The following SLC25A21 variants were observed in gnomAD, a reference collection of about 807,000 sequenced individuals.
SLC25A21 encodes the protein mitochondrial 2-oxodicarboxylate carrier.
A neutral mutation model predicts 43.8 loss-of-function variants in SLC25A21; 47 were observed. That is an observed-to-expected ratio of 1.07 (90% CI 0.85 to 1.37). SLC25A21 has a LOEUF of 1.37. SLC25A21 is among the 40% of genes most tolerant of loss of function. The pLI is 0.00. For missense variants in SLC25A21, 352 were observed against 350.2 expected (o/e 1.00, Z -0.04); for synonymous variants, 131 against 121.3 (o/e 1.08, Z -0.52).
intron 2 of SLC25A21, among the ~76,000 whole-genome samples, chr14:36,827,265 G>A (rs1225218248): frequency 2.0e-5 from 3 of 152,130 alleles, no homozygotes; most frequent in Non-Finnish European, 4.4e-5. Context: ...TCAGAATTCA[G>A]ACAGAATCAC....
In SLC25A21 at chr14:37,006,338, C is replaced by A. The variant is rs902365364; in HGVS notation, c.71-131334G>T. ...AATATTTGTAAATGTTAAATAAAAACTAGTTTCAGTATTTTAAGTATGAGT... is the reference window on the plus strand; with the variant it reads ...AATATTTGTAAATGTTAAATAAAAAATAGTTTCAGTATTTTAAGTATGAGT... On this transcript the variant is annotated intron_variant, in intron 1 of 9. Transcript: ENST00000331299. Among the ~76,000 whole-genome samples, 15 of 152,102 alleles carry A rather than the reference C, an allele frequency of 9.9e-5. No individual in the cohort carries two copies. The East Asian group carries it at 2.5e-3, about 25-fold the overall frequency.
intron 1 of SLC25A21, among the ~76,000 whole-genome samples, chr14:36,999,200 A>T (rs893237068): frequency 2.0e-5 from 3 of 152,204 alleles, no homozygotes; most frequent in Admixed American, 6.5e-5. Context: ...ATTCAGTGTA[A>T]AAAGAAATGA....
At chr14:37,030,953 C>T (rs1307256122) in intron 1 of SLC25A21, among the ~76,000 whole-genome samples, 1 of 152,142 alleles carries the variant, frequency 6.6e-6, no homozygotes, top group Non-Finnish European at 1.5e-5. Flanking sequence ...CACTTTTACC[C>T]TGAGATTGTG....
intron 1 of SLC25A21, among the ~76,000 whole-genome samples, chr14:37,030,125 T>C (rs1482506694): frequency 6.6e-6 from 1 of 152,182 alleles, no homozygotes; most frequent in South Asian, 2.1e-4. Context: ...TAACACTTTG[T>C]ATATGTATTA....
chr14:36,797,918 T>C (rs979970331), intron 3 of SLC25A21, among the ~76,000 whole-genome samples: 1 of 152,216 alleles, frequency 6.6e-6, no homozygotes, highest in Non-Finnish European at 1.5e-5. Flanking sequence ...TAAACAGATA[T>C]ACTCCTGGTG....
chr14:36,794,922 C>A (rs1887624587), intron 3 of SLC25A21, among the ~76,000 whole-genome samples: 1 of 151,908 alleles, frequency 6.6e-6, no homozygotes, highest in South Asian at 2.1e-4. Context: ...TGAAATTTTA[C>A]TGACAGGATT....
At chr14:37,013,904 A>C (rs1425062772) in intron 1 of SLC25A21, among the ~76,000 whole-genome samples, 1 of 152,204 alleles carries the variant, frequency 6.6e-6, no homozygotes, top group Non-Finnish European at 1.5e-5. Flanking sequence ...TATAAAAGTT[A>C]TGTTCACACC....
At chr14:36,810,325 C>T (rs1022554193) in intron 3 of SLC25A21, among the ~76,000 whole-genome samples, 2 of 152,154 alleles carry the variant, frequency 1.3e-5, no homozygotes, top group Non-Finnish European at 2.9e-5. Context: ...CCAAAACACA[C>T]ATGAATTGAA....
intron 1 of SLC25A21, among the ~76,000 whole-genome samples, chr14:37,079,386 C>G (rs1962343126): frequency 1.3e-5 from 2 of 152,168 alleles, no homozygotes; most frequent in Admixed American, 1.3e-4. Flanking sequence ...TGGTGTCTAC[C>G]CATGTAGCTC....
chr14:36,701,785 G>T (rs1007678478), intron 7 of SLC25A21, among the ~76,000 whole-genome samples: 2 of 151,964 alleles, frequency 1.3e-5, no homozygotes, highest in Non-Finnish European at 2.9e-5. Context: ...ATATTTCCTT[G>T]GGAACCCAGC....
intron 2 of SLC25A21, among the ~76,000 whole-genome samples, chr14:36,860,266 T>C (rs1249877964): frequency 6.6e-6 from 1 of 151,958 alleles, no homozygotes; most frequent in African/African-American, 2.4e-5. Context: ...GAAAAAGGGA[T>C]TCCAAGAACA....
intron 1 of SLC25A21, among the ~76,000 whole-genome samples, chr14:37,093,805 G>A (rs191133977): frequency 1.1e-4 from 17 of 152,218 alleles, no homozygotes; most frequent in African/African-American, 3.9e-4. Context: ...CCAACGTGGT[G>A]GGATTCTACC....
chr14:36,729,053 A>G (rs1010226110), intron 5 of SLC25A21, among the ~76,000 whole-genome samples: 6 of 152,192 alleles, frequency 3.9e-5, no homozygotes. Flanking sequence ...CATTCCTATA[A>G]AAGGCCCTTC....
chr14:37,051,846 A>C (rs949484827), intron 1 of SLC25A21, among the ~76,000 whole-genome samples: 7 of 152,140 alleles, frequency 4.6e-5, no homozygotes, highest in Admixed American at 2.0e-4. Context: ...CACCTGCCTG[A>C]TCTCCCACCA....
At chr14:36,875,674 T>A (rs186829131) in intron 1 of SLC25A21, among the ~76,000 whole-genome samples, 1 of 152,146 alleles carries the variant, frequency 6.6e-6, no homozygotes, top group Non-Finnish European at 1.5e-5. Context: ...AGCATATAAG[T>A]TAAATAACTT....
chr14:36,958,416 A>C (rs2138670578), intron 1 of SLC25A21, among the ~76,000 whole-genome samples: 1 of 152,356 alleles, frequency 6.6e-6, no homozygotes, highest in African/African-American at 2.4e-5. Context: ...TGTCCTGTTA[A>C]GAATCTCAAA....
At chr14:36,899,409 C>T (rs1013203684) in intron 1 of SLC25A21, among the ~76,000 whole-genome samples, 8 of 152,266 alleles carry the variant, frequency 5.3e-5, no homozygotes, top group African/African-American at 1.7e-4. Context: ...GGGTTTCAAC[C>T]TACTCTTGAA....
At chr14:37,011,695 T>C (rs76396756) in intron 1 of SLC25A21, among the ~76,000 whole-genome samples, 3,110 of 152,264 alleles carry the variant, frequency 0.02, 44 homozygotes, top group Non-Finnish European at 0.032. Flanking sequence ...CCAGGCACTG[T>C]TGCAAGCATT....
intron 1 of SLC25A21, among the ~76,000 whole-genome samples, chr14:37,008,748 C>G (rs887442123): frequency 2.0e-5 from 3 of 151,096 alleles, no homozygotes; most frequent in African/African-American, 7.3e-5. Flanking sequence ...TTTTTTGTTC[C>G]TTTTTAATAG....
Sources: gnomAD v4.1 joint callset for allele counts (sites outside exome capture counted in the v4.1 genomes callset) on GRCh38, gnomAD v4.1.1 for gene constraint, MANE v1.5 for transcripts, NCBI Gene and HGNC (gene_info 2026-07-23, HGNC 2026-07-21) for gene names.